Variants in SHE observed in about 807,000 individuals in gnomAD.
SHE encodes the protein Src homology 2 domain containing E, also known as SH2 domain-containing adapter protein E.
In SHE, 11 loss-of-function variants were observed where a neutral mutation model predicts 49.8. The ratio of observed to expected loss-of-function variants is 0.22; its 90% CI spans 0.14 to 0.37. The LOEUF (loss-of-function observed/expected upper bound fraction) is 0.37, where lower values mean the gene tolerates loss of function less well. Among genes scored for constraint, SHE ranks in the 10% least tolerant of loss-of-function variants. The pLI, the probability that SHE is intolerant of heterozygous loss-of-function variation, is 1.00. For missense variants in SHE, 624 were observed against 655.5 expected, an observed-to-expected ratio of 0.95 and a Z score of 0.52; for synonymous variants, 310 against 278.1, an observed-to-expected ratio of 1.11 and a Z score of -1.14.
intron 1 of SHE, chr1:154,470,496 G>T: frequency 1.1e-6 from 1 of 890,048 alleles, no homozygotes; most frequent in Non-Finnish European, 1.6e-6. Flanking sequence ...GCAGGAAACA[G>T]TGTTTGCCAT....
intron 2 of SHE, among the ~76,000 whole-genome samples, chr1:154,494,774 G>A (rs1169573261): frequency 6.6e-6 from 1 of 152,116 alleles, no homozygotes; most frequent in Non-Finnish European, 1.5e-5. Context: ...CCGCTTGCAC[G>A]GTGGCTCACT....
rs1250069327 is a variant in SHE, at chr1:154,489,210, G to A, written c.865C>T (p.Leu289=). Residue 289 remains leucine, a synonymous_variant, in exon 3 of 6, where the codon CTA becomes TTA. Coordinates refer to ENST00000304760, the MANE Select transcript of SHE (RefSeq NM_001010846.3). ...SKDLLGKPPQ[L]YDTPYEPAEG... The stretch of plus-strand genomic sequence containing the variant: ...GCAGGCTCGTAGGGAGTGTCGTATA[G>A]CTGTGGCGGCTTCCCCAGGAGGTCC... 1.9e-6 allele frequency: 3 copies of A among 1,614,090 alleles called. No homozygotes were observed. The highest frequency in any genetic ancestry group is 2.5e-6 in the Non-Finnish European group (3 of 1,180,036).
downstream of SHE, among the ~76,000 whole-genome samples, chr1:154,478,978 C>G (rs1389688704): frequency 6.6e-6 from 1 of 152,306 alleles, no homozygotes; most frequent in East Asian, 1.9e-4. Context: ...TAGGACCTGA[C>G]GTGAATTTAT....
At position 154,489,318 on chromosome 1, in the gene SHE, C is replaced by G; in HGVS notation, c.757G>C (p.Ala253Pro). The G allele has an allele frequency of 6.2e-7, 1 of 1,613,798 alleles. No individual in the cohort carries two copies. Among genetic ancestry groups the G allele is most frequent in the Non-Finnish European group, 8.5e-7 (1 of 1,179,872 alleles). The part of the protein sequence containing the change: ...RRGSKDPLVK[A>P]LQLLDSPCEP... ...CAGGGACTGTCAAGCAGCTGGAGAGCCTTCACCAGGGGATCTTTGGAACCC... is the reference window on the plus strand; with the variant it reads ...CAGGGACTGTCAAGCAGCTGGAGAGGCTTCACCAGGGGATCTTTGGAACCC... Residue 253 changes from alanine to proline, a missense_variant, in exon 3 of 6, where the codon GCT becomes CCT. Transcript: ENST00000304760.
At position 154,481,783 on chromosome 1, in the gene SHE, T is replaced by A; in HGVS notation, c.*2366A>T. The A allele has an allele frequency of 1.0e-6, 1 of 969,302 alleles. No homozygotes were observed. The highest frequency in any genetic ancestry group is 1.2e-6 in the Non-Finnish European group (1 of 815,260). The allele number at this position is 969,302 out of a possible 1,614,324, so 60.0% of individuals were successfully genotyped here. A position where few individuals can be genotyped will look rare whatever the true frequency, so the allele number is the denominator to read the frequency against. On this transcript the variant is annotated 3_prime_UTR_variant, in exon 6 of 6. Coordinates refer to ENST00000304760, the MANE Select transcript of SHE (RefSeq NM_001010846.3). ...CTTTTAAAATCTTACACTAAAGATA[T>A]AGTAAATGAACCAATACACACTGAA...
At position 154,479,871 on chromosome 1, in the gene SHE, G is replaced by C; in HGVS notation, c.*4278C>G. The C allele has an allele frequency of 1.0e-6, 1 of 985,370 alleles. No individual in the cohort carries two copies. Among genetic ancestry groups the C allele is most frequent in the Non-Finnish European group, 1.2e-6 (1 of 829,920 alleles). The allele number at this position is 985,370 out of a possible 1,614,324, so 61.0% of individuals were successfully genotyped here. A position where few individuals can be genotyped will look rare whatever the true frequency, so the allele number is the denominator to read the frequency against. On this transcript the variant is annotated 3_prime_UTR_variant, in exon 6 of 6. Coordinates refer to ENST00000304760, the MANE Select transcript of SHE (RefSeq NM_001010846.3). ...TATTAGACTTCAAAACACCCTTTCC[G>C]CAGGAAAGGGCATTTTTCAAGATGG...
Position 154,480,044 on chromosome 1 carries a change from G to A in SHE, c.*4105C>T, listed in dbSNP as rs1290655269. On this transcript the variant is annotated 3_prime_UTR_variant, in exon 6 of 6. Coordinates refer to ENST00000304760, the MANE Select transcript of SHE (RefSeq NM_001010846.3). ...TAACGCACCATCTCTCTTCACACAG[G>A]GTCAGCGGTGGAGGGTAAGTTGAAC... 1 of 985,428 alleles carries A rather than the reference G, an allele frequency of 1.0e-6. No homozygotes were observed. The allele number at this position is 985,428 out of a possible 1,614,324, so 61.0% of individuals were successfully genotyped here. A position where few individuals can be genotyped will look rare whatever the true frequency, so the allele number is the denominator to read the frequency against.
chr1:154,479,395 ACT>A, downstream of SHE: 1 of 584,248 alleles, frequency 1.7e-6, no homozygotes, highest in Non-Finnish European at 2.2e-6. Flanking sequence ...TGCAAATGAA[ACT>A]CTGCTGTAGC....
intron 2 of SHE, among the ~76,000 whole-genome samples, chr1:154,495,168 A>G (rs1692486902): frequency 6.6e-6 from 1 of 152,258 alleles, no homozygotes; most frequent in African/African-American, 2.4e-5. Context: ...CAACTGCAGA[A>G]AGAATCCTCA....
At chr1:154,493,700 CTT>C (rs1326733720) in intron 2 of SHE, among the ~76,000 whole-genome samples, 4 of 152,168 alleles carry the variant, frequency 2.6e-5, no homozygotes, top group Middle Eastern at 3.2e-3. Flanking sequence ...ACAAGAAAGT[CTT>C]AGCAGAAGAC....
At chr1:154,492,981 G>C (rs557444841) in intron 2 of SHE, among the ~76,000 whole-genome samples, 1 of 152,096 alleles carries the variant, frequency 6.6e-6, no homozygotes, top group Non-Finnish European at 1.5e-5. Context: ...TGTTCCTACC[G>C]GGCCTTCCAG....
chr1:154,486,462 T>A, intron 4 of SHE, 65 bp downstream of exon 4: 1 of 1,576,180 alleles, frequency 6.3e-7, no homozygotes, highest in Non-Finnish European at 8.6e-7. Context: ...GCCAATGTGC[T>A]CCCTGATACA....
At chr1:154,471,703 CTCTG>C (rs1262221466) in intron 1 of SHE, among the ~76,000 whole-genome samples, 2 of 149,758 alleles carry the variant, frequency 1.3e-5, no homozygotes, top group African/African-American at 4.9e-5. Context: ...CTCTCTCTCT[CTCTG>C]TGTGTGTGTG....
In SHE at chr1:154,486,586, G is replaced by A; in HGVS notation, c.1122C>T (p.Ala374=). ...TCTCTCCCTCACTGTGGTCCGAGAGGGCTGGCTTCAGGATCTTCTGGGTCC... is the reference window on the plus strand; with the variant it reads ...TCTCTCCCTCACTGTGGTCCGAGAGAGCTGGCTTCAGGATCTTCTGGGTCC... ...KSWTQKILKP[A]LSDHSEGEKV... is the part of the protein sequence containing the mutation. The change falls in exon 4 of 6, where the codon GCC becomes GCT. Residue 374 remains alanine, a synonymous_variant. Transcript: ENST00000304760. The A allele has an allele frequency of 1.2e-6, 2 of 1,614,146 alleles. No individual in the cohort carries two copies. Among genetic ancestry groups the A allele is most frequent in the Non-Finnish European group, 8.5e-7 (1 of 1,180,028 alleles).
At chr1:154,496,752 G>GA (rs67052410) in intron 2 of SHE, among the ~76,000 whole-genome samples, 100 of 147,722 alleles carry the variant, frequency 6.8e-4, no homozygotes, top group African/African-American at 2.0e-3. Flanking sequence ...GGAATTACAT[G>GA]AAAAAAAAAA....
chr1:154,502,151 G>GT lies in SHE; in HGVS notation c.-126_-125insA. 1.3e-6 allele frequency: 1 copy of GT among 765,490 alleles called. No homozygotes were observed. The highest frequency in any genetic ancestry group is 1.7e-6 in the Non-Finnish European group (1 of 581,662). 47.4% of individuals were successfully genotyped at this position (765,490 alleles called of 1,614,324 possible). ...TCACGGCTCGGGGCGCCGAGCGGGC[G>GT]GGCGCTAGCCTCTGCTCCGGACACG... is the stretch of plus-strand genomic sequence containing the variant. On this transcript the variant is annotated 5_prime_UTR_variant, in exon 1 of 6. Transcript: ENST00000304760.
intron 3 of SHE, 45 bp downstream of exon 3, chr1:154,489,006 G>A (rs1692274185): frequency 6.6e-7 from 1 of 1,513,858 alleles, no homozygotes; most frequent in Non-Finnish European, 8.8e-7. Flanking sequence ...GCGGTGGCCA[G>A]AAGACTGAAG....
chr1:154,482,304 G>A lies in SHE; in HGVS notation c.*1845C>T, dbSNP rs140272084. 2.5e-5 allele frequency: 25 copies of A among 984,950 alleles called. No homozygotes were observed. Among genetic ancestry groups the A allele is most frequent in the Middle Eastern group, 5.2e-4 (1 of 1,914 alleles). The allele number at this position is 984,950 out of a possible 1,614,324, so 61.0% of individuals were successfully genotyped here. A position where few individuals can be genotyped will look rare whatever the true frequency, so the allele number is the denominator to read the frequency against. On this transcript the variant is annotated 3_prime_UTR_variant, in exon 6 of 6. Coordinates refer to ENST00000304760, the MANE Select transcript of SHE (RefSeq NM_001010846.3). The stretch of plus-strand genomic sequence containing the variant: ...GTTGGGATTACGTGCATGAGCCACC[G>A]CACCCAGCCTACATTCTTTATTAAT...
At position 154,484,079 on chromosome 1, in the gene SHE, T is replaced by C; in HGVS notation, c.*70A>G. ...CAGTTGCTAGTCCAGCCTTGTCCTC[T>C]GAGATGCTGGTTGTGCGCTGATGAT... On this transcript the variant is annotated 3_prime_UTR_variant, in exon 6 of 6. Transcript: ENST00000304760. 1 of 1,547,286 alleles carries C rather than the reference T, an allele frequency of 6.5e-7. No individual in the cohort carries two copies. The highest frequency in any genetic ancestry group is 8.8e-7 in the Non-Finnish European group (1 of 1,141,078).
Sources: gnomAD v4.1 joint callset for allele counts (sites outside exome capture counted in the v4.1 genomes callset) on GRCh38, gnomAD v4.1.1 for gene constraint, MANE v1.5 for transcripts, NCBI Gene and HGNC (gene_info 2026-07-23, HGNC 2026-07-21) for gene names.